ZRANB3: variants seen among roughly 807,000 people sequenced by gnomAD.
ZRANB3 encodes DNA annealing helicase and endonuclease ZRANB3.
In ZRANB3, 125 loss-of-function variants were observed where a neutral mutation model predicts 133.8. The observed-to-expected ratio is 0.93, with a 90% CI of 0.81 to 1.08. The LOEUF (loss-of-function observed/expected upper bound fraction) is 1.08. ZRANB3 is among the 50% of genes least tolerant of loss of function. The pLI, the probability that ZRANB3 is intolerant of heterozygous loss-of-function variation, is 0.00. For missense variants in ZRANB3, 1,229 were observed against 1,275.5 expected, an observed-to-expected ratio of 0.96 and a Z score of 0.56; for synonymous variants, 387 against 432.7, an observed-to-expected ratio of 0.89 and a Z score of 1.31.
At chr2:135,273,726 A>AG (rs889504068) in intron 9 of ZRANB3, among the ~76,000 whole-genome samples, 2 of 152,084 alleles carry the variant, frequency 1.3e-5, no homozygotes, top group African/African-American at 4.8e-5. Flanking sequence ...TAGTAGAGAC[A>AG]GAGTTTCTCC....
chr2:135,525,848 C>CAAAAAAAA (rs557386914), intron 1 of ZRANB3, among the ~76,000 whole-genome samples: 1 of 67,062 alleles, frequency 1.5e-5, no homozygotes. Flanking sequence ...AACTCTGTCT[C>CAAAAAAAA]AAAAAAAAAA....
At chr2:135,429,969 G>C (rs1363963736) in intron 2 of ZRANB3, among the ~76,000 whole-genome samples, 1 of 152,098 alleles carries the variant, frequency 6.6e-6, no homozygotes, top group African/African-American at 2.4e-5. Context: ...GATCGCTTGA[G>C]CCCAGTAGTT....
At chr2:135,386,813 C>T (rs1164471644) in intron 3 of ZRANB3, among the ~76,000 whole-genome samples, 2 of 151,856 alleles carry the variant, frequency 1.3e-5, no homozygotes, top group Non-Finnish European at 2.9e-5. Context: ...GGCCACAGGG[C>T]AGGGAACATC....
intron 2 of ZRANB3, among the ~76,000 whole-genome samples, chr2:135,404,890 G>A (rs556411410): frequency 3.3e-4 from 50 of 152,248 alleles, no homozygotes; most frequent in African/African-American, 1.1e-3. Flanking sequence ...GACCATCGAG[G>A]CTAGGAAGAA....
intron 15 of ZRANB3, among the ~76,000 whole-genome samples, chr2:135,224,174 T>G (rs1694664947): frequency 2.0e-5 from 3 of 152,160 alleles, no homozygotes; most frequent in Admixed American, 6.5e-5. Context: ...CACTGAGCAG[T>G]TGAGTAATGT....
chr2:135,230,815 A>G lies in ZRANB3; in HGVS notation c.1652T>C (p.Val551Ala). The G allele has an allele frequency of 6.2e-7, 1 of 1,613,648 alleles. No homozygotes were observed. Among genetic ancestry groups the G allele is most frequent in the African/African-American group, 1.3e-5 (1 of 75,046 alleles). ...ESKRFREENT[V>A]VSSDPTKTAA... is the part of the protein sequence containing the mutation. ...TGTTTTTGTAGGGTCTGATGACACT[A>G]CAGTATTTTCCTCCCGGAATCTCTT... The change falls in exon 13 of 21, where the codon GTA becomes GCA. Residue 551 changes from valine to alanine, a missense_variant. Transcript: ENST00000264159.
At chr2:135,498,977 C>T (rs1194198678) in intron 2 of ZRANB3, among the ~76,000 whole-genome samples, 2 of 152,174 alleles carry the variant, frequency 1.3e-5, no homozygotes. Context: ...TTCCTGTGAT[C>T]TCGCCCTGCC....
At chr2:135,203,270 T>A (rs1470956349) in intron 19 of ZRANB3, among the ~76,000 whole-genome samples, 1 of 152,162 alleles carries the variant, frequency 6.6e-6, no homozygotes, top group East Asian at 1.9e-4. Context: ...ACCTGTAAGT[T>A]AGTTTATATA....
intron 2 of ZRANB3, among the ~76,000 whole-genome samples, chr2:135,455,581 AT>A (rs1227669411): frequency 7.4e-5 from 9 of 122,442 alleles, no homozygotes; most frequent in East Asian, 4.9e-4. Flanking sequence ...CCAACTATTG[AT>A]TTTTTTCTTT....
intron 6 of ZRANB3, among the ~76,000 whole-genome samples, chr2:135,331,723 C>G (rs1334310154): frequency 6.6e-6 from 1 of 152,080 alleles, no homozygotes; most frequent in East Asian, 1.9e-4. Context: ...CTTTATGAAT[C>G]TGGGTGCTCC....
chr2:135,523,569 T>C (rs907337595), intron 1 of ZRANB3, among the ~76,000 whole-genome samples: 1 of 152,360 alleles, frequency 6.6e-6, no homozygotes, highest in East Asian at 1.9e-4. Flanking sequence ...CACACACTTA[T>C]TATGTGTCAG....
At chr2:135,383,348 AG>A (rs1686812890) in intron 3 of ZRANB3, among the ~76,000 whole-genome samples, 1 of 152,216 alleles carries the variant, frequency 6.6e-6, no homozygotes, top group South Asian at 2.1e-4. Flanking sequence ...TCATAAAACA[AG>A]ACCTTAGAGA....
At chr2:135,496,580 A>G (rs1242153611) in intron 2 of ZRANB3, among the ~76,000 whole-genome samples, 3 of 152,186 alleles carry the variant, frequency 2.0e-5, no homozygotes, top group Non-Finnish European at 4.4e-5. Context: ...CTAAATATTT[A>G]AAGAAATACG....
At chr2:135,447,562 T>C (rs1014913271) in intron 2 of ZRANB3, among the ~76,000 whole-genome samples, 1 of 152,214 alleles carries the variant, frequency 6.6e-6, no homozygotes, top group African/African-American at 2.4e-5. Context: ...AATGCTCATT[T>C]GCTTCCTATG....
chr2:135,215,322 T>C (rs1434749453), intron 17 of ZRANB3, among the ~76,000 whole-genome samples: 1 of 151,848 alleles, frequency 6.6e-6, no homozygotes, highest in African/African-American at 2.4e-5. Flanking sequence ...AGTGGCACAA[T>C]CATGGGTCAC....
intron 2 of ZRANB3, among the ~76,000 whole-genome samples, chr2:135,410,241 C>T (rs1170330475): frequency 6.6e-6 from 1 of 152,110 alleles, no homozygotes; most frequent in African/African-American, 2.4e-5. Flanking sequence ...AACTATACAA[C>T]AGGGCTACAG....
chr2:135,522,635 A>G (rs1693996623), intron 1 of ZRANB3, among the ~76,000 whole-genome samples: 1 of 152,118 alleles, frequency 6.6e-6, no homozygotes, highest in Non-Finnish European at 1.5e-5. Flanking sequence ...CCCTGTCTCT[A>G]CTAAAAATAC....
intron 2 of ZRANB3, among the ~76,000 whole-genome samples, chr2:135,392,605 C>G (rs1336462661): frequency 6.6e-6 from 1 of 151,908 alleles, no homozygotes; most frequent in East Asian, 1.9e-4. Context: ...AAAAATTAGC[C>G]AGGTGTGATG....
At chr2:135,279,978 A>C (rs1573819376) in intron 8 of ZRANB3, among the ~76,000 whole-genome samples, 1 of 152,344 alleles carries the variant, frequency 6.6e-6, no homozygotes, top group East Asian at 1.9e-4. Flanking sequence ...TGTACTATGC[A>C]TGCATTTTAA....
Sources: allele counts gnomAD v4.1 joint callset (sites outside exome capture counted in the v4.1 genomes callset), GRCh38; gene constraint gnomAD v4.1.1; transcripts MANE v1.5; gene names NCBI Gene and HGNC (gene_info 2026-07-23, HGNC 2026-07-21).